Variants in GMDS observed in about 807,000 individuals in gnomAD.
GMDS encodes the protein GDP-mannose 4,6-dehydratase, also known as GDP-mannose 4,6 dehydratase.
A neutral mutation model predicts 49.9 loss-of-function variants in GMDS; 20 were observed. The ratio of observed to expected loss-of-function variants is 0.40; its 90% confidence interval spans 0.28 to 0.58. The LOEUF (loss-of-function observed/expected upper bound fraction) is 0.58, where lower values mean the gene tolerates loss of function less well. Among genes scored for constraint, GMDS ranks in the 20% least tolerant of loss-of-function variants. The pLI, the probability that GMDS is intolerant of heterozygous loss-of-function variation, is 0.42. For missense variants in GMDS, 362 were observed against 481.4 expected, an observed-to-expected ratio of 0.75 and a Z score of 2.32; for synonymous variants, 177 against 178.6, an observed-to-expected ratio of 0.99 and a Z score of 0.07.
At chr6:2,068,990 G>C (rs1412260154) in intron 4 of GMDS, among the ~76,000 whole-genome samples, 1 of 152,140 alleles carries the variant, frequency 6.6e-6, no homozygotes, top group East Asian at 1.9e-4. Flanking sequence ...CAAAGCTGGA[G>C]GCATCACACT....
intron 4 of GMDS, among the ~76,000 whole-genome samples, chr6:2,062,837 A>G (rs1239666821): frequency 1.3e-5 from 2 of 152,244 alleles, no homozygotes; most frequent in African/African-American, 4.8e-5. Flanking sequence ...ACTACCTGTG[A>G]TTTGGGACAA....
rs35503764 is a variant in GMDS at position 2,212,707 on chromosome 6, T to TAAAAAA, written c.102+32608_102+32613dup. Among the ~76,000 whole-genome samples the TAAAAAA allele has an allele frequency of 3.4e-3, 391 of 113,526 alleles. 4 individuals carry two copies. Among genetic ancestry groups the TAAAAAA allele is most frequent in the East Asian group, 0.014 (55 of 3,814 alleles). 74.5% of individuals were successfully genotyped at this position (113,526 alleles called of 152,430 possible). ...CTTATACCAAAATTAGATTAACTTG[T>TAAAAAA]AAAAAAAAAAAAAAAAAAAAAACTA... On this transcript the variant is annotated intron_variant, in intron 1 of 10. Coordinates refer to ENST00000380815, the MANE Select transcript of GMDS (RefSeq NM_001500.4).
intron 7 of GMDS, among the ~76,000 whole-genome samples, chr6:1,835,814 T>A (rs753884145): frequency 7.2e-4 from 109 of 152,160 alleles, no homozygotes; most frequent in Non-Finnish European, 1.4e-3. Context: ...GCCATCAATT[T>A]AATGTTCATG....
chr6:1,962,772 T>C (rs761229616), intron 4 of GMDS, among the ~76,000 whole-genome samples: 5 of 151,982 alleles, frequency 3.3e-5, no homozygotes, highest in East Asian at 1.9e-4. Flanking sequence ...TACATATGCA[T>C]ATACATACAT....
intron 6 of GMDS, among the ~76,000 whole-genome samples, chr6:1,948,809 C>T (rs569391992): frequency 5.9e-5 from 9 of 152,210 alleles, no homozygotes; most frequent in South Asian, 2.1e-4. Flanking sequence ...GCCAAAATCT[C>T]GTTTTGAATG....
At chr6:1,733,752 A>G (rs1766909353) in intron 8 of GMDS, among the ~76,000 whole-genome samples, 1 of 152,188 alleles carries the variant, frequency 6.6e-6, no homozygotes, top group Non-Finnish European at 1.5e-5. Flanking sequence ...CTTGTGAGGC[A>G]GAGGTGGGAG....
At chr6:1,944,368 G>A (rs1359862111) in intron 6 of GMDS, among the ~76,000 whole-genome samples, 4 of 152,080 alleles carry the variant, frequency 2.6e-5, no homozygotes, top group Non-Finnish European at 4.4e-5. Context: ...AGACAGGCGT[G>A]GTGGCGGGCG....
chr6:1,944,128 C>G (rs1438560247), intron 6 of GMDS, among the ~76,000 whole-genome samples: 3 of 152,172 alleles, frequency 2.0e-5, no homozygotes, highest in African/African-American at 7.2e-5. Context: ...ATACTGAAAC[C>G]TCTTGGATTA....
chr6:1,827,274 G>C (rs2113716849), intron 7 of GMDS, among the ~76,000 whole-genome samples: 1 of 151,320 alleles, frequency 6.6e-6, no homozygotes, highest in South Asian at 2.1e-4. Flanking sequence ...TACATGTTTT[G>C]GAAAACATGT....
chr6:1,730,659 T>C (rs1488885119), intron 8 of GMDS, among the ~76,000 whole-genome samples: 1 of 152,154 alleles, frequency 6.6e-6, no homozygotes, highest in Non-Finnish European at 1.5e-5. Context: ...CACAGCTCTC[T>C]GTGGGCTGAC....
At chr6:1,806,937 C>T (rs995322605) in intron 7 of GMDS, among the ~76,000 whole-genome samples, 14 of 152,254 alleles carry the variant, frequency 9.2e-5, no homozygotes, top group Middle Eastern at 3.4e-3. Flanking sequence ...ATTCTGTCTT[C>T]GTGCTATAAA....
chr6:2,172,781 G>A (rs1778083502), intron 1 of GMDS, among the ~76,000 whole-genome samples: 1 of 152,036 alleles, frequency 6.6e-6, no homozygotes, highest in Non-Finnish European at 1.5e-5. Flanking sequence ...CACATTAGAA[G>A]AGCACACACC....
chr6:2,245,365 C>T lies in GMDS; in HGVS notation c.58G>A (p.Gly20Ser). Residue 20 changes from glycine (G) to serine (S), a missense_variant, in exon 1 of 11, where the codon GGC (glycine) becomes AGC (serine). Coordinates refer to ENST00000380815, the MANE Select transcript of GMDS (RefSeq NM_001500.4). ...SARGSGDGEM[G>S]KPRNVALITG... ...ATGAGCGCCACGTTCCTGGGCTTGC[C>T]CATCTCGCCGTCCCCGGAGCCCCGG... 6.4e-7 allele frequency: 1 copy of T among 1,552,432 alleles called. No individual in the cohort carries two copies. The highest frequency in any genetic ancestry group is 8.7e-7 in the Non-Finnish European group (1 of 1,154,578).
intron 7 of GMDS, among the ~76,000 whole-genome samples, chr6:1,897,985 T>A (rs60440856): frequency 0.027 from 1,438 of 53,630 alleles, 82 homozygotes; most frequent in Middle Eastern, 0.043. Context: ...TACCCTGGCC[T>A]CCCTTGCCAT....
At chr6:2,113,106 CA>C (rs888871965) in intron 4 of GMDS, among the ~76,000 whole-genome samples, 3 of 152,104 alleles carry the variant, frequency 2.0e-5, no homozygotes, top group African/African-American at 4.8e-5. Context: ...AAAATGTTTC[CA>C]AAAGGGAACT....
At chr6:1,856,147 T>C (rs1757928467) in intron 7 of GMDS, among the ~76,000 whole-genome samples, 1 of 152,240 alleles carries the variant, frequency 6.6e-6, no homozygotes, top group South Asian at 2.1e-4. Context: ...TTTGGAATTA[T>C]GGCTGGTGAG....
intron 9 of GMDS, among the ~76,000 whole-genome samples, chr6:1,690,716 T>G (rs1581463730): frequency 6.6e-6 from 1 of 152,184 alleles, no homozygotes; most frequent in Admixed American, 6.5e-5. Flanking sequence ...AAACACACAC[T>G]TCTCAAAAGA....
chr6:1,816,821 GTCTT>G (rs1299275390), intron 7 of GMDS, among the ~76,000 whole-genome samples: 2 of 151,258 alleles, frequency 1.3e-5, no homozygotes, highest in Non-Finnish European at 2.9e-5. Context: ...AGTGGTGGAG[GTCTT>G]TCTTTTTGTC....
chr6:1,691,736 C>T (rs1437196135), intron 9 of GMDS, among the ~76,000 whole-genome samples: 1 of 152,214 alleles, frequency 6.6e-6, no homozygotes, highest in East Asian at 1.9e-4. Context: ...AAAGAGATGG[C>T]ATCCTATCTG....
Sources: gnomAD v4.1 joint callset for allele counts (sites outside exome capture counted in the v4.1 genomes callset) on GRCh38, gnomAD v4.1.1 for gene constraint, MANE v1.5 for transcripts, NCBI Gene and HGNC (gene_info 2026-07-23, HGNC 2026-07-21) for gene names.